Variants in EIPR1 observed in about 807,000 individuals in gnomAD.
EIPR1 encodes the protein EARP complex and GARP complex interacting protein 1.
Under a neutral mutation model 48.1 loss-of-function variants are expected in EIPR1, and 25 were observed. The ratio of observed to expected loss-of-function variants is 0.52; its 90% CI spans 0.38 to 0.73. EIPR1 has a LOEUF of 0.73. EIPR1 is among the 30% of genes least tolerant of loss of function. The pLI, the probability that EIPR1 is intolerant of heterozygous loss-of-function variation, is 0.00. For missense variants in EIPR1, 415 were observed against 506.2 expected (o/e 0.82, Z 1.73); for synonymous variants, 204 against 201.9 (o/e 1.01, Z -0.09).
intron 5 of EIPR1, among the ~76,000 whole-genome samples, chr2:3,210,975 G>A (rs1031943910): frequency 5.9e-5 from 9 of 152,072 alleles, no homozygotes; most frequent in East Asian, 3.9e-4. Context: ...GCATAGTTTC[G>A]GTGGAGGATG....
chr2:3,337,842 A>G (rs189405712), intron 3 of EIPR1, among the ~76,000 whole-genome samples, 175 bp downstream of exon 3: 2 of 152,218 alleles, frequency 1.3e-5, no homozygotes, highest in African/African-American at 4.8e-5. Context: ...TCAAGATTCT[A>G]ATAATTTCTG....
intron 3 of EIPR1, among the ~76,000 whole-genome samples, chr2:3,268,392 C>T (rs758006734): frequency 1.3e-5 from 2 of 152,176 alleles, no homozygotes; most frequent in Admixed American, 1.3e-4. Flanking sequence ...GCCAATCCAG[C>T]GACTGTGGAC....
intron 2 of EIPR1, among the ~76,000 whole-genome samples, chr2:3,344,870 C>A (rs1294514676): frequency 6.6e-6 from 1 of 151,864 alleles, no homozygotes; most frequent in African/African-American, 2.4e-5. Context: ...CCCATAAGCA[C>A]TGGAAAATCT....
intron 3 of EIPR1, among the ~76,000 whole-genome samples, chr2:3,264,684 T>TTTTGTTTG (rs143207957): frequency 1.3e-5 from 2 of 151,976 alleles, no homozygotes; most frequent in African/African-American, 2.4e-5. Context: ...CCAATGCTGT[T>TTTTGTTTG]TTTGTTTGTT....
chr2:3,353,170 G>A (rs1354796954), intron 2 of EIPR1: 1 of 460,468 alleles, frequency 2.2e-6, no homozygotes, highest in Non-Finnish European at 4.5e-6. Flanking sequence ...TGTAAGTATA[G>A]GAAAAAGCAT....
At chr2:3,342,477 G>C (rs1481756733) in intron 2 of EIPR1, among the ~76,000 whole-genome samples, 1 of 152,274 alleles carries the variant, frequency 6.6e-6, no homozygotes, top group East Asian at 1.9e-4. Context: ...AGCAGGCGCA[G>C]CCGGGGGCTT....
At position 3,197,024 on chromosome 2, in the gene EIPR1, G is replaced by A. The variant is rs1456504448; in HGVS notation, c.517-7C>T. On this transcript the variant is annotated splice_region_variant and splice_polypyrimidine_tract_variant and intron_variant, in intron 5 of 8. Coordinates refer to ENST00000382125, the MANE Select transcript of EIPR1 (RefSeq NM_003310.5). ...GGGACGCTGAGCTGGCCAGCTGGGAGTGTCACGATGTTTTCCAAAGGAAGA... is the reference window on the plus strand; with the variant it reads ...GGGACGCTGAGCTGGCCAGCTGGGAATGTCACGATGTTTTCCAAAGGAAGA... 1.9e-6 allele frequency: 3 copies of A among 1,612,466 alleles called. No individual in the cohort carries two copies. The highest frequency in any genetic ancestry group is 3.4e-5 in the Admixed American group (2 of 59,700).
intron 3 of EIPR1, among the ~76,000 whole-genome samples, chr2:3,337,785 G>T (rs895525537): frequency 1.3e-5 from 2 of 152,086 alleles, no homozygotes; most frequent in African/African-American, 4.8e-5. Flanking sequence ...CTGATCAAGG[G>T]GTCAACGTTC....
intron 4 of EIPR1, among the ~76,000 whole-genome samples, chr2:3,215,801 C>A (rs1665612079): frequency 2.0e-5 from 3 of 152,336 alleles, no homozygotes; most frequent in South Asian, 4.1e-4. Context: ...CTTGTAATCA[C>A]AACATTAACA....
intron 3 of EIPR1, among the ~76,000 whole-genome samples, chr2:3,283,761 T>G (rs1452038268): frequency 6.6e-6 from 1 of 151,884 alleles, no homozygotes; most frequent in Non-Finnish European, 1.5e-5. Context: ...CTGGCCAACA[T>G]GGTGAAATCC....
intron 3 of EIPR1, among the ~76,000 whole-genome samples, chr2:3,275,036 C>CA (rs957837744): frequency 7.4e-5 from 11 of 148,984 alleles, no homozygotes; most frequent in African/African-American, 2.0e-4. Context: ...AAAGTTGTAC[C>CA]AAAAAAAAAG....
chr2:3,201,089 C>G (rs908163077), intron 5 of EIPR1, among the ~76,000 whole-genome samples: 2 of 152,202 alleles, frequency 1.3e-5, no homozygotes, highest in African/African-American at 4.8e-5. Flanking sequence ...CTGCCGAGCC[C>G]CAGGCACGTG....
intron 2 of EIPR1, among the ~76,000 whole-genome samples, chr2:3,342,060 T>A (rs1670267875): frequency 6.6e-6 from 1 of 152,218 alleles, no homozygotes; most frequent in Non-Finnish European, 1.5e-5. Flanking sequence ...CTTTTATGTT[T>A]GTTATAATAT....
At chr2:3,288,989 C>T (rs1048174411) in intron 3 of EIPR1, among the ~76,000 whole-genome samples, 1 of 152,232 alleles carries the variant, frequency 6.6e-6, no homozygotes, top group African/African-American at 2.4e-5. Flanking sequence ...GCCTGCACGG[C>T]CGTATCTCCC....
chr2:3,341,164 T>C (rs949260418), intron 2 of EIPR1, among the ~76,000 whole-genome samples: 3 of 145,550 alleles, frequency 2.1e-5, no homozygotes, highest in South Asian at 4.4e-4. Flanking sequence ...AGTTGTGGTA[T>C]ATTCACAAAT....
chr2:3,243,663 A>AT lies in EIPR1; in HGVS notation c.416+13635dup, dbSNP rs923759332. 1.6e-3 allele frequency among the ~76,000 whole-genome samples: 238 copies of AT among 152,064 alleles called. 2 individuals are homozygous for AT. Among genetic ancestry groups the AT allele is most frequent in the Non-Finnish European group, 2.5e-3 (168 of 67,990 alleles). On this transcript the variant is annotated intron_variant, in intron 4 of 8. Coordinates refer to ENST00000382125, the MANE Select transcript of EIPR1 (RefSeq NM_003310.5). ...AACCCAAAATGAAATTAAATTAAAAATTTTTTTTAAAAATTTAAAAAGAAT... is the reference window on the plus strand; with the variant it reads ...AACCCAAAATGAAATTAAATTAAAAATTTTTTTTTAAAAATTTAAAAAGAAT...
intron 4 of EIPR1, among the ~76,000 whole-genome samples, chr2:3,215,511 C>T (rs1440161370): frequency 6.6e-6 from 1 of 152,204 alleles, no homozygotes; most frequent in Non-Finnish European, 1.5e-5. Flanking sequence ...CAACAAAGAC[C>T]AAAATGCTCT....
intron 4 of EIPR1, among the ~76,000 whole-genome samples, chr2:3,246,724 C>T (rs552105106): frequency 3.4e-4 from 49 of 143,712 alleles, no homozygotes; most frequent in South Asian, 2.3e-3. Flanking sequence ...TCCTCCCTGC[C>T]GGGGTGGTAG....
At chr2:3,274,349 TG>T (rs1667784633) in intron 3 of EIPR1, 3 of 1,550,256 alleles carry the variant, frequency 1.9e-6, no homozygotes, top group Non-Finnish European at 2.6e-6. Flanking sequence ...AGGTTGCCAG[TG>T]CTATGAACAG....
Sources: allele counts gnomAD v4.1 joint callset (sites outside exome capture counted in the v4.1 genomes callset), GRCh38; gene constraint gnomAD v4.1.1; transcripts MANE v1.5; gene names NCBI Gene and HGNC (gene_info 2026-07-23, HGNC 2026-07-21).